KCNQ5: variants seen among roughly 807,000 people sequenced by gnomAD.
KCNQ5 encodes the protein potassium voltage-gated channel subfamily KQT member 5.
Under a neutral mutation model 98.2 loss-of-function variants are expected in KCNQ5, and 30 were observed. The observed-to-expected ratio is 0.31, with a 90% confidence interval of 0.23 to 0.41. The LOEUF (loss-of-function observed/expected upper bound fraction) is 0.41, where lower values mean the gene tolerates loss of function less well. Among genes scored for constraint, KCNQ5 ranks in the 10% least tolerant of loss-of-function variants. KCNQ5 has a pLI of 1.00. For missense variants in KCNQ5, 835 were observed against 1,182.5 expected (o/e 0.71, Z 4.31); for synonymous variants, 458 against 449.4 (o/e 1.02, Z -0.24).
chr6:72,772,494 T>A (rs117608874), intron 1 of KCNQ5, among the ~76,000 whole-genome samples: 2 of 152,244 alleles, frequency 1.3e-5, no homozygotes, highest in East Asian at 1.9e-4. Context: ...ATAAATAGCT[T>A]CAGAGAAGTG....
At chr6:73,156,585 A>C (rs1180620685) in intron 10 of KCNQ5, among the ~76,000 whole-genome samples, 1 of 152,216 alleles carries the variant, frequency 6.6e-6, no homozygotes, top group Non-Finnish European at 1.5e-5. Flanking sequence ...AGATCACACC[A>C]TTGCACTCCA....
At chr6:72,988,185 T>C (rs554478578) in intron 1 of KCNQ5, among the ~76,000 whole-genome samples, 7 of 152,366 alleles carry the variant, frequency 4.6e-5, no homozygotes, top group Non-Finnish European at 7.3e-5. Flanking sequence ...AGGCACATAC[T>C]AGTGTTTTCC....
chr6:72,659,077 G>A (rs1766371235), intron 1 of KCNQ5, among the ~76,000 whole-genome samples: 1 of 152,210 alleles, frequency 6.6e-6, no homozygotes, highest in Non-Finnish European at 1.5e-5. Flanking sequence ...GGAAAGATTA[G>A]TTTACCTACA....
intron 5 of KCNQ5, among the ~76,000 whole-genome samples, chr6:73,104,836 T>C (rs1774937595): frequency 1.3e-5 from 2 of 152,212 alleles, no homozygotes; most frequent in South Asian, 4.1e-4. Context: ...TTTGTTCCAC[T>C]ACAAATCTTA....
intron 10 of KCNQ5, chr6:73,157,586 T>C: frequency 1.3e-6 from 1 of 768,170 alleles, no homozygotes; most frequent in South Asian, 1.4e-5. Flanking sequence ...GCACCTGGCA[T>C]GGAGGGCGGC....
chr6:73,085,301 C>A (rs1412990504), intron 5 of KCNQ5, among the ~76,000 whole-genome samples: 1 of 152,112 alleles, frequency 6.6e-6, no homozygotes, highest in African/African-American at 2.4e-5. Context: ...GTCCTCTTTG[C>A]CACCACAGAA....
At chr6:72,969,602 G>A (rs941694046) in intron 1 of KCNQ5, among the ~76,000 whole-genome samples, 16 of 151,562 alleles carry the variant, frequency 1.1e-4, no homozygotes, top group East Asian at 3.9e-4. Flanking sequence ...ATTCTATTCC[G>A]TCATTTTTCT....
chr6:72,925,721 C>G lies in KCNQ5; in HGVS notation c.399-78187C>G, dbSNP rs539381113. 2.6e-5 allele frequency among the ~76,000 whole-genome samples: 4 copies of G among 152,222 alleles called. No homozygotes were observed. The South Asian group carries it at 6.2e-4, about 24-fold the overall frequency. ...AATCTAAAGGTTGGCAGGCACCATC[C>G]AGGCAGGAGTGAAGGATTGTTCTGG... On this transcript the variant is annotated intron_variant, in intron 1 of 13. Coordinates refer to ENST00000370398, the MANE Select transcript of KCNQ5 (RefSeq NM_019842.4).
intron 1 of KCNQ5, among the ~76,000 whole-genome samples, chr6:72,670,571 G>T (rs1425040124): frequency 6.6e-6 from 1 of 152,048 alleles, no homozygotes; most frequent in Non-Finnish European, 1.5e-5. Flanking sequence ...TGCCATAGTG[G>T]TATTAAACAA....
intron 11 of KCNQ5, among the ~76,000 whole-genome samples, chr6:73,189,576 AT>A (rs1318845459): frequency 6.6e-6 from 1 of 152,214 alleles, no homozygotes; most frequent in Non-Finnish European, 1.5e-5. Flanking sequence ...CCAGCCTGGA[AT>A]CTACAAGTGT....
chr6:73,121,668 A>G (rs1469452230), intron 8 of KCNQ5, among the ~76,000 whole-genome samples: 1 of 152,176 alleles, frequency 6.6e-6, no homozygotes, highest in Non-Finnish European at 1.5e-5. Flanking sequence ...ACCTGTTCTT[A>G]CTGATCTTGG....
At chr6:72,690,242 CA>C (rs1768148049) in intron 1 of KCNQ5, among the ~76,000 whole-genome samples, 1 of 151,750 alleles carries the variant, frequency 6.6e-6, no homozygotes, top group Non-Finnish European at 1.5e-5. Context: ...TCCAAAAAAA[CA>C]AAAAAGAAAA....
At chr6:72,716,934 A>G (rs75822406) in intron 1 of KCNQ5, among the ~76,000 whole-genome samples, 1 of 152,358 alleles carries the variant, frequency 6.6e-6, no homozygotes, top group East Asian at 1.9e-4. Context: ...TTTATTAAAC[A>G]CCTACTCCAT....
intron 11 of KCNQ5, among the ~76,000 whole-genome samples, chr6:73,186,742 T>C (rs1180887741): frequency 6.6e-6 from 1 of 152,178 alleles, no homozygotes; most frequent in African/African-American, 2.4e-5. Context: ...TACTTGATTG[T>C]AAGTCTATGT....
chr6:72,966,406 A>G (rs1239606711), intron 1 of KCNQ5, among the ~76,000 whole-genome samples: 2 of 114,952 alleles, frequency 1.7e-5, no homozygotes, highest in Non-Finnish European at 3.3e-5. Context: ...TAAAAATAAC[A>G]AAAAAAAAAA....
chr6:73,192,764 T>C (rs1312100801), intron 13 of KCNQ5, 73 bp downstream of exon 13: 3 of 1,203,354 alleles, frequency 2.5e-6, no homozygotes, highest in Non-Finnish European at 3.4e-6. Context: ...GGCAATTGTA[T>C]GTATTCCAGT....
chr6:72,791,276 T>A (rs1774025169), intron 1 of KCNQ5, among the ~76,000 whole-genome samples: 1 of 152,178 alleles, frequency 6.6e-6, no homozygotes, highest in African/African-American at 2.4e-5. Flanking sequence ...TACTCACACA[T>A]GCATATCCAC....
chr6:72,861,752 G>A (rs1016836500), intron 1 of KCNQ5, among the ~76,000 whole-genome samples: 1 of 151,252 alleles, frequency 6.6e-6, no homozygotes, highest in Non-Finnish European at 1.5e-5. Context: ...TATATGTTTC[G>A]GGCCCCATAA....
chr6:72,691,304 T>G (rs1425314811), intron 1 of KCNQ5, among the ~76,000 whole-genome samples: 1 of 152,246 alleles, frequency 6.6e-6, no homozygotes, highest in Non-Finnish European at 1.5e-5. Flanking sequence ...ACCCTATGAC[T>G]TATGAAATAT....
Sources: allele counts gnomAD v4.1 joint callset (sites outside exome capture counted in the v4.1 genomes callset), GRCh38; gene constraint gnomAD v4.1.1; transcripts MANE v1.5; gene names NCBI Gene and HGNC (gene_info 2026-07-23, HGNC 2026-07-21).